Variants in BICDL1 observed in about 807,000 individuals in gnomAD.
The protein encoded by BICDL1 is BICD family-like cargo adapter 1.
A neutral mutation model predicts 76.8 loss-of-function variants in BICDL1; 20 were observed. The ratio of observed to expected loss-of-function variants is 0.26; its 90% CI spans 0.18 to 0.38. The LOEUF is 0.38. Ranked by LOEUF, BICDL1 falls within the 10% of genes least tolerant of loss-of-function variation. The pLI is 1.00. For missense variants in BICDL1, 700 were observed against 798.6 expected (o/e 0.88, Z 1.49); for synonymous variants, 383 against 337.1 (o/e 1.14, Z -1.49).
chr12:120,067,151 T>C (rs1368355511), intron 4 of BICDL1, among the ~76,000 whole-genome samples: 2 of 152,268 alleles, frequency 1.3e-5, no homozygotes, highest in Non-Finnish European at 2.9e-5. Flanking sequence ...AAACTCTTAC[T>C]ATCCAGTAAA....
chr12:120,064,898 T>C lies in BICDL1; in HGVS notation c.909+19T>C, dbSNP rs1234361246. 2 of 1,587,886 alleles carry C rather than the reference T, an allele frequency of 1.3e-6. No homozygotes were observed. Among genetic ancestry groups the C allele is most frequent in the Non-Finnish European group, 1.7e-6 (2 of 1,171,276 alleles). On this transcript the variant is annotated intron_variant, in intron 4 of 9. Transcript: ENST00000548673. ...CCTACAGGTACTGGGGTAGAGAAGCTGTCCTGCAGGACTAGAGCCAGATAA... is the reference window on the plus strand; with the variant it reads ...CCTACAGGTACTGGGGTAGAGAAGCCGTCCTGCAGGACTAGAGCCAGATAA...
intron 2 of BICDL1, chr12:120,057,246 C>T: frequency 2.5e-6 from 1 of 393,000 alleles, no homozygotes; most frequent in South Asian, 1.9e-5. Context: ...AACTCCTGAG[C>T]TCAAGCGATC....
At chr12:120,075,417 A>G (rs915966733) in intron 7 of BICDL1, among the ~76,000 whole-genome samples, 3 of 148,354 alleles carry the variant, frequency 2.0e-5, no homozygotes, top group Non-Finnish European at 3.0e-5. Flanking sequence ...TCTTTTTGAG[A>G]CAGGGTTTCA....
chr12:120,072,836 A>T, intron 6 of BICDL1, 107 bp downstream of exon 6: 1 of 909,098 alleles, frequency 1.1e-6, no homozygotes, highest in East Asian at 2.6e-5. Context: ...ACCCTATAAA[A>T]TATCTGCAAG....
At chr12:120,001,145 C>T (rs1172200379) in intron 2 of BICDL1, among the ~76,000 whole-genome samples, 2 of 149,234 alleles carry the variant, frequency 1.3e-5, no homozygotes, top group African/African-American at 2.4e-5. Context: ...GTTTAGATAG[C>T]GTTTTATTAA....
intron 2 of BICDL1, among the ~76,000 whole-genome samples, chr12:120,047,747 C>G (rs758723428): frequency 6.6e-6 from 1 of 152,034 alleles, no homozygotes; most frequent in Non-Finnish European, 1.5e-5. Context: ...GAAGGTCATA[C>G]AGCTATGTAC....
intron 8 of BICDL1, among the ~76,000 whole-genome samples, chr12:120,081,275 AT>A (rs1477224899): frequency 1.4e-5 from 2 of 146,268 alleles, no homozygotes; most frequent in East Asian, 4.0e-4. Context: ...TGTAGTTATT[AT>A]GTGTTTTTAG....
At chr12:120,036,628 C>T (rs151209670) in intron 2 of BICDL1, among the ~76,000 whole-genome samples, 131 of 152,300 alleles carry the variant, frequency 8.6e-4, no homozygotes, top group African/African-American at 3.1e-3. Context: ...GTAATCCCAG[C>T]ACTCTGGAAG....
chr12:120,067,883 C>T (rs1353657236), intron 4 of BICDL1, among the ~76,000 whole-genome samples: 1 of 152,154 alleles, frequency 6.6e-6, no homozygotes, highest in Non-Finnish European at 1.5e-5. Context: ...TCTGAGTCTC[C>T]TCAAAACTGG....
chr12:120,011,912 C>A (rs1951960941), intron 2 of BICDL1, among the ~76,000 whole-genome samples: 1 of 152,164 alleles, frequency 6.6e-6, no homozygotes, highest in Non-Finnish European at 1.5e-5. Flanking sequence ...TTGAATAAAT[C>A]CTCACTCTGG....
chr12:120,001,408 G>A lies in BICDL1; in HGVS notation c.645+2672G>A, dbSNP rs374620232. On this transcript the variant is annotated intron_variant, in intron 2 of 9. Transcript: ENST00000548673. ...ACTACAGGCGCCTGCCACCACGCCC[G>A]GCTAATTTTTTGTATTTTTAGTAGA... Among the ~76,000 whole-genome samples the A allele has an allele frequency of 9.2e-5, 14 of 152,042 alleles. No homozygotes were observed. The East Asian group carries it at 1.2e-3, about 13-fold the overall frequency.
intron 2 of BICDL1, among the ~76,000 whole-genome samples, chr12:120,041,982 A>G (rs1249404055): frequency 1.3e-5 from 2 of 152,028 alleles, no homozygotes; most frequent in Non-Finnish European, 2.9e-5. Flanking sequence ...ACATAGTCTG[A>G]CTTGGGTTTC....
At chr12:120,055,004 G>A (rs1952945872) in intron 2 of BICDL1, among the ~76,000 whole-genome samples, 1 of 152,090 alleles carries the variant, frequency 6.6e-6, no homozygotes, top group South Asian at 2.1e-4. Context: ...TAAAATGCTA[G>A]CAGCATTTTT....
intron 2 of BICDL1, among the ~76,000 whole-genome samples, chr12:120,041,595 AAAATT>A (rs1952643152): frequency 6.6e-6 from 1 of 152,156 alleles, no homozygotes; most frequent in South Asian, 2.1e-4. Flanking sequence ...GCTACAGAGA[AAAATT>A]AAACAGAGGA....
In BICDL1 at chr12:120,005,609, G is replaced by C. The variant is rs114240513; in HGVS notation, c.645+6873G>C. Among the ~76,000 whole-genome samples, 562 of 152,214 alleles carry C rather than the reference G, an allele frequency of 3.7e-3. 6 individuals are homozygous for C. Among genetic ancestry groups the C allele is most frequent in the African/African-American group, 0.013 (536 of 41,526 alleles). On this transcript the variant is annotated intron_variant, in intron 2 of 9. Coordinates refer to ENST00000548673, the MANE Select transcript of BICDL1 (RefSeq NM_001367886.1). Reference sequence around the variant, plus strand: ...GCTGGTCTCAAACTCCTGGCTTCAGGTGATCCACCTCGGCCTCCCAAAGTA... The same window carrying C: ...GCTGGTCTCAAACTCCTGGCTTCAGCTGATCCACCTCGGCCTCCCAAAGTA...
At chr12:119,996,991 C>T (rs541133836) in intron 1 of BICDL1, among the ~76,000 whole-genome samples, 7 of 151,628 alleles carry the variant, frequency 4.6e-5, no homozygotes, top group South Asian at 2.1e-4. Flanking sequence ...CTCCGTCGTC[C>T]GGGCTAGAGT....
intron 7 of BICDL1, among the ~76,000 whole-genome samples, chr12:120,077,787 C>T (rs1380914959): frequency 2.6e-5 from 4 of 152,024 alleles, no homozygotes; most frequent in Admixed American, 6.6e-5. Context: ...ATTTATCTGC[C>T]TTCCCCCAGC....
chr12:120,027,783 C>T lies in BICDL1; in HGVS notation c.645+29047C>T, dbSNP rs577384932. ...AGTAAGCATCCAAAATATGTTTGGT[C>T]TCCACAGAACTAGGTTAGCTATTTT... On this transcript the variant is annotated intron_variant, in intron 2 of 9. Transcript: ENST00000548673. Among the ~76,000 whole-genome samples the T allele has an allele frequency of 5.3e-5, 8 of 152,282 alleles. No homozygotes were observed. The Middle Eastern group carries it at 0.017, about 324-fold the overall frequency.
chr12:120,090,951 T>G, intron 9 of BICDL1: 1 of 1,288,836 alleles, frequency 7.8e-7, no homozygotes, highest in Non-Finnish European at 1.0e-6. Context: ...CTCCTTTGGT[T>G]TCTGATCTAG....
Sources: gnomAD v4.1 joint callset for allele counts (sites outside exome capture counted in the v4.1 genomes callset) on GRCh38, gnomAD v4.1.1 for gene constraint, MANE v1.5 for transcripts, NCBI Gene and HGNC (gene_info 2026-07-23, HGNC 2026-07-21) for gene names.